CCDC25: variants seen among roughly 807,000 people sequenced by gnomAD.
CCDC25 encodes coiled-coil domain containing 25.
CCDC25 carries 16 observed loss-of-function variants against 35.3 expected under a neutral mutation model. The ratio of observed to expected loss-of-function variants is 0.45; its 90% CI spans 0.31 to 0.69. The LOEUF (loss-of-function observed/expected upper bound fraction) is 0.69. CCDC25 is among the 30% of genes least tolerant of loss of function. CCDC25 has a pLI of 0.06. For missense variants in CCDC25, 179 were observed against 250.7 expected, an observed-to-expected ratio of 0.71 and a Z score of 1.93; for synonymous variants, 79 against 80.3, an observed-to-expected ratio of 0.98 and a Z score of 0.09.
intron 1 of CCDC25, among the ~76,000 whole-genome samples, chr8:27,771,721 G>A (rs1052607828): frequency 6.6e-6 from 1 of 152,210 alleles, no homozygotes; most frequent in South Asian, 2.1e-4. Context: ...TACTTGGAAC[G>A]TTAAGTGGGT....
chr8:27,772,211 A>G, intron 1 of CCDC25: 1 of 533,262 alleles, frequency 1.9e-6, no homozygotes, highest in Non-Finnish European at 3.4e-6. Context: ...AGGAGCCCAC[A>G]GGCTCTGCCC....
intron 2 of CCDC25, among the ~76,000 whole-genome samples, chr8:27,763,836 C>A (rs1005282682): frequency 6.6e-6 from 1 of 152,022 alleles, no homozygotes; most frequent in Admixed American, 6.6e-5. Context: ...AAAGGAAAAG[C>A]AAAAGGAAGA....
At chr8:27,769,825 A>C (rs2128948561) in intron 1 of CCDC25, among the ~76,000 whole-genome samples, 1 of 152,094 alleles carries the variant, frequency 6.6e-6, no homozygotes, top group African/African-American at 2.4e-5. Context: ...CCACACAAAC[A>C]ATGTGGAACT....
chr8:27,747,963 G>T, intron 7 of CCDC25, 114 bp downstream of exon 7: 2 of 1,011,018 alleles, frequency 2.0e-6, no homozygotes, highest in Non-Finnish European at 3.0e-6. Context: ...CTTAAGCTGA[G>T]CTTGTTACAT....
At chr8:27,763,730 A>AAATG (rs1265610461) in intron 2 of CCDC25, among the ~76,000 whole-genome samples, 1 of 147,580 alleles carries the variant, frequency 6.8e-6, no homozygotes, top group Non-Finnish European at 1.5e-5. Flanking sequence ...ATAAATAAAT[A>AAATG]AATAAATAAA....
At position 27,768,116 on chromosome 8, in the gene CCDC25, C is replaced by T. The variant is rs539405516; in HGVS notation, c.29-2865G>A. On this transcript the variant is annotated intron_variant, in intron 1 of 8. Transcript: ENST00000356537. Reference sequence around the variant, plus strand: ...ACTTGAGCCCAAGAAGTTGAGGCTGCAATGATCTGTGACTGCACCACTACA... The same window carrying T: ...ACTTGAGCCCAAGAAGTTGAGGCTGTAATGATCTGTGACTGCACCACTACA... Among the ~76,000 whole-genome samples, 90 of 152,014 alleles carry T rather than the reference C, an allele frequency of 5.9e-4. No homozygotes were observed. In the South Asian group the frequency reaches 7.1e-3, roughly 12 times the overall value.
At chr8:27,768,336 G>A (rs1009712535) in intron 1 of CCDC25, among the ~76,000 whole-genome samples, 14 of 152,066 alleles carry the variant, frequency 9.2e-5, no homozygotes, top group Non-Finnish European at 1.9e-4. Context: ...AGGCTGAAGC[G>A]GGAGGATCAC....
At chr8:27,764,453 GT>G in intron 2 of CCDC25, 1 of 383,502 alleles carries the variant, frequency 2.6e-6, no homozygotes, top group Non-Finnish European at 5.1e-6. Flanking sequence ...TTTTATTGTT[GT>G]TTTTTGTAGA....
intron 6 of CCDC25, 56 bp from the exon 7 acceptor site, chr8:27,748,335 A>AG: frequency 6.6e-7 from 1 of 1,519,798 alleles, no homozygotes; most frequent in Non-Finnish European, 9.1e-7. Flanking sequence ...TTCTCCCAGA[A>AG]GAGGGATGAG....
chr8:27,767,881 G>A (rs543542381), intron 1 of CCDC25, among the ~76,000 whole-genome samples: 38 of 152,154 alleles, frequency 2.5e-4, no homozygotes, highest in Admixed American at 6.6e-4. Context: ...AAAGAGAAAC[G>A]GAAAAAGAAA....
intron 1 of CCDC25, among the ~76,000 whole-genome samples, chr8:27,768,341 G>C (rs1804471842): frequency 6.6e-6 from 1 of 152,156 alleles, no homozygotes; most frequent in Non-Finnish European, 1.5e-5. Context: ...GAAGCGGGAG[G>C]ATCACTTGAG....
At chr8:27,751,769 A>T (rs1457261026) in intron 5 of CCDC25, among the ~76,000 whole-genome samples, 1 of 152,160 alleles carries the variant, frequency 6.6e-6, no homozygotes, top group Non-Finnish European at 1.5e-5. Context: ...CCTAATAATC[A>T]TCCTTCTTGA....
In CCDC25 at chr8:27,752,509, G is replaced by A. The variant is rs766740517; in HGVS notation, c.244+3C>T. The A allele has an allele frequency of 2.0e-5, 32 of 1,611,026 alleles. No homozygotes were observed. The Admixed American group carries it at 5.3e-4, about 27-fold the overall frequency. ...TTCTAAAAACACCTCTAGGAAAACT[G>A]ACCTTGAATGCTATTGGCCTTCACA... On this transcript the variant is annotated splice_donor_region_variant and intron_variant, in intron 5 of 8. Transcript: ENST00000356537.
chr8:27,771,761 G>A (rs1448156958), intron 1 of CCDC25, among the ~76,000 whole-genome samples: 2 of 152,148 alleles, frequency 1.3e-5, no homozygotes, highest in African/African-American at 4.8e-5. Flanking sequence ...AGCAATCTTG[G>A]GGTAGGAGCT....
At chr8:27,763,977 ATC>A (rs1217849508) in intron 2 of CCDC25, among the ~76,000 whole-genome samples, 1 of 152,122 alleles carries the variant, frequency 6.6e-6, no homozygotes, top group Non-Finnish European at 1.5e-5. Context: ...AATTTAAAAA[ATC>A]TCTTTCCCTC....
intron 5 of CCDC25, among the ~76,000 whole-genome samples, chr8:27,751,165 A>T (rs1167286111): frequency 1.3e-5 from 2 of 152,226 alleles, no homozygotes; most frequent in Non-Finnish European, 2.9e-5. Context: ...CTGGGCCAAG[A>T]ATAAGGCCTC....
chr8:27,734,332 G>A lies in CCDC25; in HGVS notation c.*1884C>T, dbSNP rs9797. 0.42 allele frequency: 64,480 copies of A among 152,036 alleles called. 14,324 individuals are homozygous for A. The highest frequency in any genetic ancestry group is 0.51 in the Middle Eastern group (151 of 296). 9.4% of individuals were successfully genotyped at this position (152,036 alleles called of 1,614,324 possible). A position where few individuals can be genotyped will look rare whatever the true frequency, so the allele number is the denominator to read the frequency against. On this transcript the variant is annotated 3_prime_UTR_variant, in exon 9 of 9. Coordinates refer to ENST00000356537, the MANE Select transcript of CCDC25 (RefSeq NM_018246.3). ...TGAAACTGAAGACGACATTGGCAAA[G>A]TGACTCAGACCCACAGCACAGATTT...
rs1179851495 is a variant in CCDC25 at position 27,756,778 on chromosome 8, G to A, written c.117-8C>T. 6.2e-7 allele frequency: 1 copy of A among 1,607,264 alleles called. No homozygotes were observed. Among genetic ancestry groups the A allele is most frequent in the South Asian group, 1.1e-5 (1 of 90,900 alleles). ...AGTTTGTCCACATGAAACCTACAAA[G>A]AATGAAAACCACTTTTAGCAAGAGG... On this transcript the variant is annotated splice_region_variant and splice_polypyrimidine_tract_variant and intron_variant, in intron 3 of 8. Transcript: ENST00000356537.
chr8:27,748,695 C>T (rs956061886), intron 5 of CCDC25, 97 bp from the exon 6 acceptor site: 35 of 850,996 alleles, frequency 4.1e-5, no homozygotes, highest in African/African-American at 2.2e-4. Context: ...ACAAGGGAAA[C>T]GGCTTAGAAC....
Sources: allele counts gnomAD v4.1 joint callset (sites outside exome capture counted in the v4.1 genomes callset), GRCh38; gene constraint gnomAD v4.1.1; transcripts MANE v1.5; gene names NCBI Gene and HGNC (gene_info 2026-07-23, HGNC 2026-07-21).